The following NXPH1 variants were observed in gnomAD, a reference collection of about 807,000 sequenced individuals.
NXPH1 encodes the protein neurexophilin-1.
In NXPH1, 5 loss-of-function variants were observed where a neutral mutation model predicts 23.7. The ratio of observed to expected loss-of-function variants is 0.21; its 90% confidence interval spans 0.11 to 0.44. The LOEUF is 0.44. NXPH1 is among the 20% of genes least tolerant of loss of function. The probability of loss-of-function intolerance (pLI) is 0.99; values close to 1 mark genes in which losing one functional copy is unlikely to be tolerated. For missense variants in NXPH1, 324 were observed against 321.6 expected, an observed-to-expected ratio of 1.01 and a Z score of -0.06; for synonymous variants, 144 against 122.2, an observed-to-expected ratio of 1.18 and a Z score of -1.18.
intron 2 of NXPH1, among the ~76,000 whole-genome samples, chr7:8,523,314 C>T (rs929664923): frequency 6.6e-6 from 1 of 152,192 alleles, no homozygotes; most frequent in African/African-American, 2.4e-5. Flanking sequence ...TTAATCTGAC[C>T]TCTTCTGGCA....
chr7:8,629,072 C>T (rs549013243), intron 2 of NXPH1, among the ~76,000 whole-genome samples: 36 of 151,680 alleles, frequency 2.4e-4, no homozygotes, highest in African/African-American at 8.0e-4. Flanking sequence ...AACAAATTTT[C>T]GAATACAAAA....
At chr7:8,687,867 C>A (rs1045237627) in intron 2 of NXPH1, among the ~76,000 whole-genome samples, 1 of 152,016 alleles carries the variant, frequency 6.6e-6, no homozygotes, top group African/African-American at 2.4e-5. Context: ...TCAGACTTAA[C>A]AAAAATGTTA....
chr7:8,749,379 C>T (rs975316531), intron 2 of NXPH1, among the ~76,000 whole-genome samples: 2 of 152,136 alleles, frequency 1.3e-5, no homozygotes, highest in African/African-American at 4.8e-5. Context: ...GGAGGGAATT[C>T]CAGGGAGTCT....
chr7:8,537,002 A>T (rs1231511202), intron 2 of NXPH1, among the ~76,000 whole-genome samples: 3 of 151,962 alleles, frequency 2.0e-5, no homozygotes, highest in Non-Finnish European at 4.4e-5. Flanking sequence ...TTACACATAC[A>T]GCTCTATGTT....
chr7:8,567,806 G>A (rs547081279), intron 2 of NXPH1, among the ~76,000 whole-genome samples: 1 of 151,914 alleles, frequency 6.6e-6, no homozygotes, highest in Non-Finnish European at 1.5e-5. Context: ...GAGAACATAT[G>A]GTCTTTCAGT....
At chr7:8,681,243 A>G (rs1821044341) in intron 2 of NXPH1, among the ~76,000 whole-genome samples, 2 of 152,232 alleles carry the variant, frequency 1.3e-5, no homozygotes. Context: ...ACCATATCAC[A>G]CCATCTTTCA....
intron 2 of NXPH1, among the ~76,000 whole-genome samples, chr7:8,668,467 G>C (rs1820816862): frequency 6.6e-6 from 1 of 152,060 alleles, no homozygotes; most frequent in Non-Finnish European, 1.5e-5. Context: ...TTGATTCTTG[G>C]GTTCAGCAGG....
intron 2 of NXPH1, among the ~76,000 whole-genome samples, chr7:8,603,545 G>T (rs1013895234): frequency 6.6e-6 from 1 of 151,878 alleles, no homozygotes; most frequent in Admixed American, 6.6e-5. Flanking sequence ...CATCATTTTG[G>T]GTATCATGGG....
chr7:8,513,639 TG>T (rs1335385847), intron 2 of NXPH1, among the ~76,000 whole-genome samples: 1 of 152,044 alleles, frequency 6.6e-6, no homozygotes, highest in African/African-American at 2.4e-5. Flanking sequence ...CATTATGGTT[TG>T]GGGGAACAAG....
At chr7:8,674,602 T>C (rs1327013917) in intron 2 of NXPH1, among the ~76,000 whole-genome samples, 1 of 152,104 alleles carries the variant, frequency 6.6e-6, no homozygotes, top group African/African-American at 2.4e-5. Flanking sequence ...GAGTTTGGGG[T>C]TCCAGGCATT....
At chr7:8,706,190 A>G (rs1779703336) in intron 2 of NXPH1, among the ~76,000 whole-genome samples, 1 of 152,214 alleles carries the variant, frequency 6.6e-6, no homozygotes, top group African/African-American at 2.4e-5. Context: ...CAAAGCTATC[A>G]GGCCTTGGTA....
intron 2 of NXPH1, among the ~76,000 whole-genome samples, chr7:8,511,976 C>A (rs912567213): frequency 1.3e-5 from 2 of 152,144 alleles, no homozygotes; most frequent in African/African-American, 4.8e-5. Flanking sequence ...GCCCTTGGCG[C>A]TCAGCCAGGG....
intron 2 of NXPH1, among the ~76,000 whole-genome samples, chr7:8,641,920 A>G (rs1004057648): frequency 6.6e-6 from 1 of 152,202 alleles, no homozygotes; most frequent in African/African-American, 2.4e-5. Context: ...AACTTCTACA[A>G]TAAAATCAAA....
chr7:8,679,259 T>G (rs1036127106), intron 2 of NXPH1, among the ~76,000 whole-genome samples: 2 of 152,122 alleles, frequency 1.3e-5, no homozygotes, highest in East Asian at 1.9e-4. Flanking sequence ...CTTTATCCAA[T>G]TCTTATTGGC....
At chr7:8,590,060 C>T (rs945148996) in intron 2 of NXPH1, among the ~76,000 whole-genome samples, 1 of 152,164 alleles carries the variant, frequency 6.6e-6, no homozygotes, top group Admixed American at 6.6e-5. Context: ...TGACAGTGAG[C>T]CTGAAGTGAA....
intron 2 of NXPH1, among the ~76,000 whole-genome samples, chr7:8,522,123 A>G (rs546258131): frequency 6.6e-6 from 1 of 152,344 alleles, no homozygotes; most frequent in South Asian, 2.1e-4. Flanking sequence ...TAGGACTACA[A>G]TGCATTACTG....
At chr7:8,573,140 C>T (rs571320245) in intron 2 of NXPH1, among the ~76,000 whole-genome samples, 1 of 151,234 alleles carries the variant, frequency 6.6e-6, no homozygotes, top group Non-Finnish European at 1.5e-5. Context: ...AATTTTCTGT[C>T]CTGCTATTTC....
intron 2 of NXPH1, among the ~76,000 whole-genome samples, chr7:8,544,614 A>T (rs1011812158): frequency 6.6e-6 from 1 of 151,638 alleles, no homozygotes; most frequent in African/African-American, 2.4e-5. Context: ...ACTGAGGCAG[A>T]TGATGGTGTC....
intron 2 of NXPH1, among the ~76,000 whole-genome samples, chr7:8,744,163 A>G (rs1780428544): frequency 6.6e-6 from 1 of 152,214 alleles, no homozygotes; most frequent in Non-Finnish European, 1.5e-5. Flanking sequence ...TATAGTCTCA[A>G]AAGAATCATA....
Sources: gnomAD v4.1 joint callset for allele counts (sites outside exome capture counted in the v4.1 genomes callset) on GRCh38, gnomAD v4.1.1 for gene constraint, MANE v1.5 for transcripts, NCBI Gene and HGNC (gene_info 2026-07-23, HGNC 2026-07-21) for gene names.